Variants in IL1RAP observed in about 807,000 individuals in gnomAD.
The protein encoded by IL1RAP is interleukin 1 receptor accessory protein.
Under a neutral mutation model 60.7 loss-of-function variants are expected in IL1RAP, and 35 were observed. The observed-to-expected ratio is 0.58, with a 90% CI of 0.44 to 0.76. IL1RAP has a LOEUF of 0.76. Ranked by LOEUF, IL1RAP falls within the 30% of genes least tolerant of loss-of-function variation. The pLI is 0.00. For synonymous variants in IL1RAP, 268 were observed against 250.9 expected, an observed-to-expected ratio of 1.07 and a Z score of -0.64; for missense variants, 572 against 693.9, an observed-to-expected ratio of 0.82 and a Z score of 1.97.
At chr3:190,554,762 TGTC>T in intron 1 of IL1RAP, 1 of 151,912 alleles carries the variant, frequency 6.6e-6, no homozygotes, top group South Asian at 2.1e-4. Context: ...TGTGTGTGTG[TGTC>T]TCTAACTTTG....
chr3:190,601,435 G>A (rs1045598532), intron 3 of IL1RAP, among the ~76,000 whole-genome samples: 78 of 152,288 alleles, frequency 5.1e-4, no homozygotes, highest in African/African-American at 1.7e-3. Context: ...TTCTCTGTAT[G>A]TTTTTTAAAA....
At position 190,648,472 on chromosome 3, in the gene IL1RAP, G is replaced by A. The variant is rs1734192743; in HGVS notation, c.1480G>A (p.Gly494Ser). 6.2e-7 allele frequency: 1 copy of A among 1,613,976 alleles called. No homozygotes were observed. Among genetic ancestry groups the A allele is most frequent in the Admixed American group, 1.7e-5 (1 of 59,990 alleles). ...TGGCCTAGAAAATATGGCCTCTCGGGGCAACATCAACGTCATTTTAGTACA... is the reference window on the plus strand; with the variant it reads ...TGGCCTAGAAAATATGGCCTCTCGGAGCAACATCAACGTCATTTTAGTACA... ...KAGLENMASR[G>S]NINVILVQYK... is the part of the protein sequence containing the mutation. Residue 494 changes from glycine (G) to serine (S), a missense_variant, in exon 12 of 12, where the codon GGC (glycine) becomes AGC (serine). Transcript: ENST00000447382.
At chr3:190,624,377 C>T (rs2193876) in intron 7 of IL1RAP, among the ~76,000 whole-genome samples, 100,530 of 152,110 alleles carry the variant, frequency 0.66, 34,135 homozygotes, top group East Asian at 0.81. Flanking sequence ...TTAAGAATCG[C>T]GCTGGCCTTT....
chr3:190,636,565 G>A (rs955438038), intron 9 of IL1RAP, among the ~76,000 whole-genome samples: 3 of 150,924 alleles, frequency 2.0e-5, no homozygotes, highest in Non-Finnish European at 3.0e-5. Context: ...GTAGAGGGAC[G>A]GAGTCTTGCT....
chr3:190,612,619 T>C (rs922407155), intron 5 of IL1RAP, among the ~76,000 whole-genome samples: 3 of 152,318 alleles, frequency 2.0e-5, no homozygotes, highest in African/African-American at 7.2e-5. Flanking sequence ...CTACAGATAG[T>C]CCTCGATTTA....
intron 1 of IL1RAP, among the ~76,000 whole-genome samples, chr3:190,517,208 T>C (rs1355792868): frequency 2.6e-5 from 4 of 152,214 alleles, no homozygotes; most frequent in Non-Finnish European, 5.9e-5. Flanking sequence ...TTGGATGTAA[T>C]ACACCTTTGA....
intron 5 of IL1RAP, among the ~76,000 whole-genome samples, chr3:190,610,236 T>C (rs1730703425): frequency 1.3e-5 from 2 of 152,220 alleles, no homozygotes; most frequent in South Asian, 4.1e-4. Context: ...TCAAAAGATA[T>C]CTTGGTGAAG....
intron 1 of IL1RAP, chr3:190,554,728 A>AGTGTGTGTGTGTGTGTGT (rs68156423): frequency 6.9e-6 from 1 of 144,422 alleles, no homozygotes; most frequent in African/African-American, 2.6e-5. Flanking sequence ...CTTGTTGTTT[A>AGTGTGTGTGTGTGTGTGT]GTGTGTGTGT....
chr3:190,525,543 G>A (rs3821743), intron 1 of IL1RAP, among the ~76,000 whole-genome samples: 9,228 of 152,200 alleles, frequency 0.061, 626 homozygotes, highest in East Asian at 0.35. Flanking sequence ...GGTGTTTAGA[G>A]CCTTGAACAG....
exon 12 of IL1RAP, chr3:190,658,772 T>C (rs909726605): frequency 6.6e-6 from 1 of 152,170 alleles, no homozygotes; most frequent in African/African-American, 2.4e-5. Context: ...ATCCTTTCTT[T>C]GTCGAAACAA....
chr3:190,552,368 A>G (rs1275605661), intron 1 of IL1RAP, among the ~76,000 whole-genome samples: 1 of 152,198 alleles, frequency 6.6e-6, no homozygotes, highest in Non-Finnish European at 1.5e-5. Flanking sequence ...TTTAGTCAAT[A>G]TGTTCACACA....
At chr3:190,621,992 G>A (rs1344073568) in intron 6 of IL1RAP, among the ~76,000 whole-genome samples, 1 of 143,908 alleles carries the variant, frequency 6.9e-6, no homozygotes, top group East Asian at 2.0e-4. Context: ...ACATTCAACT[G>A]GTAACTAGTC....
Position 190,644,315 on chromosome 3 carries a change from T to C in IL1RAP, c.1119T>C (p.Ile373=). ...GAGCCACAGTCCTGCTAGTGGTGAT[T>C]CTCATTGTTGTTTACCATGTTTACT... The part of the protein sequence containing the change: ...GFGATVLLVV[I]LIVVYHVYWL... The change falls in exon 10 of 12, where the codon ATT becomes ATC. Residue 373 remains isoleucine (I), a synonymous_variant. Coordinates refer to ENST00000447382, the MANE Select transcript of IL1RAP (RefSeq NM_002182.4). 1.2e-6 allele frequency: 2 copies of C among 1,614,060 alleles called. No individual in the cohort carries two copies. Among genetic ancestry groups the C allele is most frequent in the Non-Finnish European group, 1.7e-6 (2 of 1,179,952 alleles).
At chr3:190,553,815 C>T (rs1176498117) in intron 1 of IL1RAP, among the ~76,000 whole-genome samples, 1 of 152,050 alleles carries the variant, frequency 6.6e-6, no homozygotes, top group African/African-American at 2.4e-5. Flanking sequence ...AATCCCAGCA[C>T]TTTGGGAGGC....
Position 190,645,846 on chromosome 3 carries a change from G to A in IL1RAP, c.1345+4G>A, listed in dbSNP as rs1195798949. 5 of 1,611,588 alleles carry A rather than the reference G, an allele frequency of 3.1e-6. No individual in the cohort carries two copies. In the South Asian group the frequency reaches 5.5e-5, roughly 18 times the overall value. Reference sequence around the variant, plus strand: ...CGAGACAGTCTGCCTGGGGGAAGTAGGTATTTCAGAGGAGTACAAATGATG... The same window carrying A: ...CGAGACAGTCTGCCTGGGGGAAGTAAGTATTTCAGAGGAGTACAAATGATG... On this transcript the variant is annotated splice_donor_region_variant and intron_variant, in intron 11 of 11. Transcript: ENST00000447382.
rs1399449244 is a variant in IL1RAP at position 190,650,853 on chromosome 3, T to G, written c.*2148T>G. 1 of 985,294 alleles carries G rather than the reference T, an allele frequency of 1.0e-6. No homozygotes were observed. Among genetic ancestry groups the G allele is most frequent in the East Asian group, 1.1e-4 (1 of 8,832 alleles). The allele number at this position is 985,294 out of a possible 1,614,324, so 61.0% of individuals were successfully genotyped here. A position where few individuals can be genotyped will look rare whatever the true frequency, so the allele number is the denominator to read the frequency against. On this transcript the variant is annotated 3_prime_UTR_variant, in exon 12 of 12. Transcript: ENST00000447382. ...ACATAAACTTTAGGCAAACAGGGAA[T>G]AGTCTAGTCACCAAAGGACCATTCT...
At chr3:190,620,135 T>G (rs1348711543) in intron 5 of IL1RAP, 140 bp from the exon 6 acceptor site, 4 of 501,654 alleles carry the variant, frequency 8.0e-6, no homozygotes, top group Non-Finnish European at 6.9e-6. Context: ...TGTCAAATAC[T>G]TGACCAAAAT....
chr3:190,630,980 C>T (rs1321514854), intron 9 of IL1RAP, among the ~76,000 whole-genome samples: 1 of 152,088 alleles, frequency 6.6e-6, no homozygotes, highest in African/African-American at 2.4e-5. Flanking sequence ...TCATTATTTC[C>T]TTAAGATTTT....
chr3:190,638,938 G>A (rs1476271159), intron 9 of IL1RAP, among the ~76,000 whole-genome samples: 1 of 151,924 alleles, frequency 6.6e-6, no homozygotes, highest in South Asian at 2.1e-4. Flanking sequence ...TTGTCTCCTG[G>A]CTAATATTAT....
Sources: gnomAD v4.1 joint callset for allele counts (sites outside exome capture counted in the v4.1 genomes callset) on GRCh38, gnomAD v4.1.1 for gene constraint, MANE v1.5 for transcripts, NCBI Gene and HGNC (gene_info 2026-07-23, HGNC 2026-07-21) for gene names.